The following F10 variants were observed in gnomAD, a reference collection of about 807,000 sequenced individuals.
The protein encoded by F10 is Stuart-Prower factor.
Under a neutral mutation model 37.1 loss-of-function variants are expected in F10, and 29 were observed. The ratio of observed to expected loss-of-function variants is 0.78; its 90% CI spans 0.58 to 1.07. The LOEUF is 1.07. F10 is among the 50% of genes least tolerant of loss of function. F10 has a pLI of 0.00. For missense variants in F10, 539 were observed against 667.9 expected, an observed-to-expected ratio of 0.81 and a Z score of 2.13; for synonymous variants, 262 against 268.6, an observed-to-expected ratio of 0.98 and a Z score of 0.24.
intron 1 of F10, among the ~76,000 whole-genome samples, chr13:113,125,510 T>C (rs1415254502): frequency 6.6e-6 from 1 of 152,248 alleles, no homozygotes; most frequent in East Asian, 1.9e-4. Flanking sequence ...TGTCTACCAA[T>C]CTGGATGCTC....
At chr13:113,129,146 G>A (rs1400119798) in intron 1 of F10, among the ~76,000 whole-genome samples, 1 of 152,154 alleles carries the variant, frequency 6.6e-6, no homozygotes, top group East Asian at 1.9e-4. Context: ...TCAGCCTCAA[G>A]GTCTCTTAAC....
chr13:113,130,014 C>A (rs1414319977), intron 2 of F10: 5 of 332,532 alleles, frequency 1.5e-5, no homozygotes, highest in African/African-American at 8.6e-5. Context: ...GCCTTGGCCT[C>A]CGTAGTCGCT....
intron 2 of F10, 72 bp downstream of exon 2, chr13:113,129,684 C>G: frequency 6.3e-7 from 1 of 1,596,270 alleles, no homozygotes; most frequent in Non-Finnish European, 8.6e-7. Context: ...CCCGCTGCTC[C>G]GTCCATCCAG....
Position 113,139,522 on chromosome 13 carries a change from C to T in F10, c.370+52C>T. The stretch of plus-strand genomic sequence containing the variant: ...CAGATCAGATGCCCCTGAAGAGTGG[C>T]AGGTGGGCGGGGGAAGAAGTGAAAA... On this transcript the variant is annotated intron_variant, in intron 4 of 7. Transcript: ENST00000375559. The surrounding 1 kb of genome is among the most constrained non-coding windows in gnomAD (Gnocchi z 5.2). The T allele has an allele frequency of 7.0e-7, 1 of 1,425,260 alleles. No homozygotes were observed. Among genetic ancestry groups the T allele is most frequent in the Non-Finnish European group, 9.9e-7 (1 of 1,009,820 alleles). 88.3% of individuals were successfully genotyped at this position (1,425,260 alleles called of 1,614,324 possible). A position where few individuals can be genotyped will look rare whatever the true frequency, so the allele number is the denominator to read the frequency against.
intron 1 of F10, among the ~76,000 whole-genome samples, chr13:113,124,061 GCAAA>G (rs1477363888): frequency 2.0e-5 from 3 of 152,232 alleles, no homozygotes; most frequent in Admixed American, 6.5e-5. Context: ...AAGCTACTCT[GCAAA>G]CAGACAGATG....
chr13:113,139,269 C>G lies in F10; in HGVS notation c.257-88C>G. ...CGGAAGACTCTTCCAGTTATCTGAA[C>G]GGCAGGGCCAAGGTTAGCACAGCAA... On this transcript the variant is annotated intron_variant, in intron 3 of 7. Coordinates refer to ENST00000375559, the MANE Select transcript of F10 (RefSeq NM_000504.4). The surrounding 1 kb of genome is among the most constrained non-coding windows in gnomAD (Gnocchi z 5.2). 9.7e-7 allele frequency: 1 copy of G among 1,031,350 alleles called. No homozygotes were observed. Among genetic ancestry groups the G allele is most frequent in the East Asian group, 2.5e-5 (1 of 39,624 alleles). The allele number at this position is 1,031,350 out of a possible 1,614,324, so 63.9% of individuals were successfully genotyped here.
chr13:113,142,355 C>T (rs1368651967), intron 5 of F10, among the ~76,000 whole-genome samples: 1 of 148,852 alleles, frequency 6.7e-6, no homozygotes, highest in Non-Finnish European at 1.5e-5. Flanking sequence ...TCCTGGCCAA[C>T]ACAGTGAAAC....
intron 6 of F10, among the ~76,000 whole-genome samples, chr13:113,145,115 G>C (rs532022407): frequency 4.7e-4 from 72 of 152,248 alleles, no homozygotes; most frequent in Non-Finnish European, 8.5e-4. Flanking sequence ...CTCCTGACCT[G>C]GTGATCTGCC....
At position 113,144,230 on chromosome 13, in the gene F10, AC is replaced by A; in HGVS notation, c.747+138del. On this transcript the variant is annotated intron_variant, in intron 6 of 7. Coordinates refer to ENST00000375559, the MANE Select transcript of F10 (RefSeq NM_000504.4). The surrounding 1 kb of genome is among the most constrained non-coding windows in gnomAD (Gnocchi z 6.4). ...CGAACTAGGACAGAGGGGCTCCGCCACCCAAGCCTGCCTGCCTGTCCCCTCC... is the reference window on the plus strand; with the variant it reads ...CGAACTAGGACAGAGGGGCTCCGCCACCAAGCCTGCCTGCCTGTCCCCTCC... 1 of 1,364,840 alleles carries A rather than the reference AC, an allele frequency of 7.3e-7. No individual in the cohort carries two copies. The highest frequency in any genetic ancestry group is 1.3e-5 in the South Asian group (1 of 77,642). 84.5% of individuals were successfully genotyped at this position (1,364,840 alleles called of 1,614,324 possible). A position where few individuals can be genotyped will look rare whatever the true frequency, so the allele number is the denominator to read the frequency against.
chr13:113,129,683 CCGT>C, intron 2 of F10, 71 bp downstream of exon 2: 1 of 1,597,206 alleles, frequency 6.3e-7, no homozygotes, highest in East Asian at 2.2e-5. Flanking sequence ...CCCCGCTGCT[CCGT>C]CCATCCAGGG....
intron 2 of F10, among the ~76,000 whole-genome samples, chr13:113,136,178 C>T (rs898888252): frequency 1.3e-5 from 2 of 152,098 alleles, no homozygotes; most frequent in Non-Finnish European, 2.9e-5. Flanking sequence ...CAGATAAAAA[C>T]CACAATAAGA....
intron 5 of F10, among the ~76,000 whole-genome samples, chr13:113,142,290 C>T (rs987187527): frequency 1.4e-4 from 22 of 152,068 alleles, no homozygotes; most frequent in Admixed American, 9.8e-4. Flanking sequence ...GCCTGTAATC[C>T]CAGCATTTTG....
In F10 at chr13:113,122,816, C is replaced by T. The variant is rs3212994; in HGVS notation, c.-40C>T. On this transcript the variant is annotated 5_prime_UTR_variant, in exon 1 of 8. Transcript: ENST00000375559. ...GGGGCGTGGACTTTGCTCCAGCAGC[C>T]TGTCCCAGTGAGGACAGGGACACAG... 0.034 allele frequency: 54,842 copies of T among 1,603,172 alleles called. 1,151 individuals are homozygous for T. Among genetic ancestry groups the T allele is most frequent in the Non-Finnish European group, 0.04 (47,149 of 1,177,002 alleles).
At chr13:113,125,847 G>A (rs1385247937) in intron 1 of F10, among the ~76,000 whole-genome samples, 1 of 152,234 alleles carries the variant, frequency 6.6e-6, no homozygotes, top group African/African-American at 2.4e-5. Context: ...GCGGAGGGAA[G>A]GATAAGCCTG....
chr13:113,145,943 T>C (rs1365199460), intron 6 of F10, among the ~76,000 whole-genome samples: 3 of 152,160 alleles, frequency 2.0e-5, no homozygotes, highest in African/African-American at 4.8e-5. Context: ...CTGGGCATCC[T>C]GTATTTTCTC....
chr13:113,132,977 C>A (rs937817482), intron 2 of F10, among the ~76,000 whole-genome samples: 2 of 152,068 alleles, frequency 1.3e-5, no homozygotes, highest in Non-Finnish European at 2.9e-5. Context: ...AATTAAGTCA[C>A]ACATGTATAA....
At position 113,149,137 on chromosome 13, in the gene F10, G is replaced by A. The variant is rs1595099527; in HGVS notation, c.1087G>A (p.Gly363Ser). The change falls in exon 8 of 8, where the codon GGC becomes AGC. Residue 363 changes from glycine to serine, a missense_variant. This residue lies in a region of F10 where 409 missense variants were observed against 547.9 expected (regional missense o/e 0.75). Coordinates refer to ENST00000375559, the MANE Select transcript of F10 (RefSeq NM_000504.4). The surrounding 1 kb of genome is among the most constrained non-coding windows in gnomAD (Gnocchi z 7.5). ...GACGCAGAAGACGGGGATTGTGAGC[G>A]GCTTCGGGCGCACCCACGAGAAGGG... ...LMTQKTGIVS[G>S]FGRTHEKGRQ... is the part of the protein sequence containing the mutation. 10 of 1,612,976 alleles carry A rather than the reference G, an allele frequency of 6.2e-6. No homozygotes were observed. The highest frequency in any genetic ancestry group is 1.3e-5 in the African/African-American group (1 of 75,040).
intron 2 of F10, among the ~76,000 whole-genome samples, chr13:113,132,858 A>G (rs909540724): frequency 1.3e-5 from 2 of 152,236 alleles, no homozygotes; most frequent in African/African-American, 4.8e-5. Flanking sequence ...CTTAAAGCAT[A>G]CCTCAATAAA....
At chr13:113,140,521 C>G (rs192862250) in intron 4 of F10, 5 of 480,010 alleles carry the variant, frequency 1.0e-5, no homozygotes, top group African/African-American at 9.9e-5. Context: ...AGGCATAACC[C>G]TGTTCAGGCT....
Sources: allele counts gnomAD v4.1 joint callset (sites outside exome capture counted in the v4.1 genomes callset), GRCh38; gene constraint gnomAD v4.1.1; regional missense constraint gnomAD v4.1.1; non-coding constraint Gnocchi (gnomAD v3.1); transcripts MANE v1.5; gene names NCBI Gene and HGNC (gene_info 2026-07-23, HGNC 2026-07-21).